The following CACNA2D3 variants were observed in gnomAD, a reference collection of about 807,000 sequenced individuals.
The protein encoded by CACNA2D3 is calcium voltage-gated channel auxiliary subunit alpha2delta 3, also known as voltage-dependent calcium channel subunit alpha-2/delta-3.
A neutral mutation model predicts 160.6 loss-of-function variants in CACNA2D3; 60 were observed. The ratio of observed to expected loss-of-function variants is 0.37; its 90% CI spans 0.30 to 0.46. The LOEUF is 0.46. Ranked by LOEUF, CACNA2D3 falls within the 20% of genes least tolerant of loss-of-function variation. CACNA2D3 has a pLI of 1.00. For missense variants in CACNA2D3, 1,205 were observed against 1,365.0 expected, an observed-to-expected ratio of 0.88 and a Z score of 1.85; for synonymous variants, 558 against 492.9, an observed-to-expected ratio of 1.13 and a Z score of -1.75.
intron 4 of CACNA2D3, among the ~76,000 whole-genome samples, chr3:54,473,862 C>T (rs1165254415): frequency 6.6e-6 from 1 of 152,102 alleles, no homozygotes; most frequent in African/African-American, 2.4e-5. Flanking sequence ...ACGATGGTGC[C>T]ATTTAGAATG....
At chr3:54,587,327 CA>C (rs1702779688) in intron 9 of CACNA2D3, among the ~76,000 whole-genome samples, 1 of 152,008 alleles carries the variant, frequency 6.6e-6, no homozygotes, top group Non-Finnish European at 1.5e-5. Flanking sequence ...GAGGCCGAGG[CA>C]GATGGATCAC....
chr3:54,243,230 A>G (rs1702006630), intron 2 of CACNA2D3, among the ~76,000 whole-genome samples: 1 of 152,192 alleles, frequency 6.6e-6, no homozygotes, highest in African/African-American at 2.4e-5. Flanking sequence ...CAGAAAGACA[A>G]GGGGTGGTGT....
At chr3:54,301,266 A>AAACAACAAC in intron 2 of CACNA2D3, among the ~76,000 whole-genome samples, 1 of 150,452 alleles carries the variant, frequency 6.6e-6, no homozygotes, top group South Asian at 2.1e-4. Flanking sequence ...CAAAACAAAC[A>AAACAACAAC]AACAACAACA....
intron 4 of CACNA2D3, among the ~76,000 whole-genome samples, chr3:54,458,727 C>T (rs75427629): frequency 0.019 from 2,953 of 151,552 alleles, 78 homozygotes; most frequent in East Asian, 0.11. Context: ...AGATTTAGGA[C>T]GTTTTAAACT....
intron 9 of CACNA2D3, among the ~76,000 whole-genome samples, chr3:54,610,234 G>A (rs1698723218): frequency 6.6e-6 from 1 of 152,124 alleles, no homozygotes; most frequent in African/African-American, 2.4e-5. Context: ...AAGGTACTGG[G>A]GTTTGGACTT....
At chr3:54,899,029 A>G (rs550566265) in intron 26 of CACNA2D3, among the ~76,000 whole-genome samples, 1 of 152,322 alleles carries the variant, frequency 6.6e-6, no homozygotes, top group East Asian at 1.9e-4. Flanking sequence ...AAGTGTATTC[A>G]TATTCAGGTT....
At chr3:54,919,120 T>A (rs2106925462) in intron 27 of CACNA2D3, among the ~76,000 whole-genome samples, 1 of 152,264 alleles carries the variant, frequency 6.6e-6, no homozygotes, top group South Asian at 2.1e-4. Context: ...TGACCAAGAA[T>A]TCATTAGAAG....
At chr3:54,825,369 G>A (rs1703728369) in intron 14 of CACNA2D3, among the ~76,000 whole-genome samples, 1 of 152,176 alleles carries the variant, frequency 6.6e-6, no homozygotes, top group Non-Finnish European at 1.5e-5. Context: ...TTTAGCCTGG[G>A]TGGTCTTGAA....
At chr3:54,953,812 G>A (rs1230209763) in intron 27 of CACNA2D3, among the ~76,000 whole-genome samples, 6 of 152,092 alleles carry the variant, frequency 3.9e-5, no homozygotes, top group African/African-American at 7.2e-5. Flanking sequence ...AAGTCAGTGC[G>A]CACAACCCTA....
chr3:54,729,213 A>T (rs1167444587), intron 11 of CACNA2D3, among the ~76,000 whole-genome samples: 1 of 152,020 alleles, frequency 6.6e-6, no homozygotes, highest in Non-Finnish European at 1.5e-5. Flanking sequence ...GAGCCACTGC[A>T]CCCAGCCTCA....
chr3:54,532,370 A>G lies in CACNA2D3; in HGVS notation c.544+28716A>G, dbSNP rs117578127. ...ACAAGTACAGTTTTGCTGCATGGAT[A>G]CATTGAGTAGTGGTGAAGTCTGGGC... On this transcript the variant is annotated intron_variant, in intron 5 of 37. Coordinates refer to ENST00000474759, the MANE Select transcript of CACNA2D3 (RefSeq NM_018398.3). Among the ~76,000 whole-genome samples the G allele has an allele frequency of 0.01, 1,592 of 152,324 alleles. 59 individuals carry two copies. In the East Asian group the frequency reaches 0.11, roughly 11 times the overall value.
intron 28 of CACNA2D3, among the ~76,000 whole-genome samples, chr3:54,968,755 T>C (rs1702209000): frequency 6.6e-6 from 1 of 152,222 alleles, no homozygotes; most frequent in African/African-American, 2.4e-5. Context: ...ATCAAGATAG[T>C]GACCTTCCAA....
chr3:54,918,321 C>CT (rs60257399), intron 27 of CACNA2D3: 1,003 of 392,786 alleles, frequency 2.6e-3, no homozygotes, highest in Middle Eastern at 4.0e-3. Context: ...ACAGACACAT[C>CT]TTTTTTTTTT....
At chr3:54,251,138 A>G (rs1702181761) in intron 2 of CACNA2D3, among the ~76,000 whole-genome samples, 1 of 152,156 alleles carries the variant, frequency 6.6e-6, no homozygotes, top group African/African-American at 2.4e-5. Flanking sequence ...GGAGGTCAGG[A>G]GGAGGTTCAG....
Position 54,470,620 on chromosome 3 carries a change from A to G in CACNA2D3, c.382-32872A>G, listed in dbSNP as rs572963715. Among the ~76,000 whole-genome samples the G allele has an allele frequency of 1.3e-4, 20 of 152,360 alleles. No individual in the cohort carries two copies. The South Asian group carries it at 2.3e-3, about 17-fold the overall frequency. On this transcript the variant is annotated intron_variant, in intron 4 of 37. Coordinates refer to ENST00000474759, the MANE Select transcript of CACNA2D3 (RefSeq NM_018398.3). The stretch of plus-strand genomic sequence containing the variant: ...AAATGTAAATGGGCTAAATGCCCCA[A>G]TTAAAAGACACAGACTGGCAAATTG...
chr3:54,545,150 C>T (rs1702041692), intron 5 of CACNA2D3, among the ~76,000 whole-genome samples: 1 of 152,180 alleles, frequency 6.6e-6, no homozygotes, highest in Non-Finnish European at 1.5e-5. Context: ...CAAGTTTTAG[C>T]ACCTATATTG....
intron 2 of CACNA2D3, among the ~76,000 whole-genome samples, chr3:54,196,623 G>T (rs1033938699): frequency 6.6e-6 from 1 of 152,228 alleles, no homozygotes; most frequent in East Asian, 1.9e-4. Flanking sequence ...GCAGGGCTTT[G>T]TCAGTTTGCA....
chr3:54,918,313 A>G (rs1700713394), intron 27 of CACNA2D3: 1 of 785,352 alleles, frequency 1.3e-6, no homozygotes, highest in South Asian at 1.9e-5. Flanking sequence ...TATTTTTTAC[A>G]GACACATCTT....
At chr3:54,822,921 C>A (rs970342182) in intron 14 of CACNA2D3, among the ~76,000 whole-genome samples, 3 of 151,066 alleles carry the variant, frequency 2.0e-5, no homozygotes, top group African/African-American at 7.3e-5. Flanking sequence ...ATTGCGCGAT[C>A]TCGGCTCACT....
Sources: gnomAD v4.1 joint callset for allele counts (sites outside exome capture counted in the v4.1 genomes callset) on GRCh38, gnomAD v4.1.1 for gene constraint, MANE v1.5 for transcripts, NCBI Gene and HGNC (gene_info 2026-07-23, HGNC 2026-07-21) for gene names.